Variants in COX4I2 observed in about 807,000 individuals in gnomAD.
COX4I2 encodes cytochrome c oxidase subunit 4 isoform 2, mitochondrial.
COX4I2 carries 15 observed loss-of-function variants against 20.8 expected under a neutral mutation model. The observed-to-expected ratio is 0.72, with a 90% CI of 0.48 to 1.11. The LOEUF is 1.11. Ranked by LOEUF, COX4I2 falls within the 50% of genes most tolerant of loss-of-function variation. The probability of loss-of-function intolerance (pLI) is 0.00; values close to 1 mark genes in which losing one functional copy is unlikely to be tolerated. For synonymous variants in COX4I2, 80 were observed against 78.1 expected (o/e 1.02, Z -0.13); for missense variants, 224 against 223.0 (o/e 1.00, Z -0.03).
intron 4 of COX4I2, 34 bp downstream of exon 4, chr20:31,643,569 G>A (rs769110767): frequency 1.2e-6 from 2 of 1,613,340 alleles, no homozygotes; most frequent in Non-Finnish European, 1.7e-6. Flanking sequence ...CTGCAGTCCT[G>A]GGCCATGCCC....
intron 3 of COX4I2, among the ~76,000 whole-genome samples, chr20:31,641,320 C>T (rs1303230164): frequency 6.8e-6 from 1 of 146,736 alleles, no homozygotes; most frequent in Non-Finnish European, 1.5e-5. Flanking sequence ...GATTGTGCTA[C>T]GGCATTGCAC....
intron 2 of COX4I2, 117 bp from the exon 3 acceptor site, chr20:31,639,816 A>G: frequency 1.7e-6 from 2 of 1,193,746 alleles, no homozygotes; most frequent in Non-Finnish European, 2.4e-6. Context: ...TCAGCCTCCC[A>G]AAATGCTAGG....
intron 2 of COX4I2, among the ~76,000 whole-genome samples, chr20:31,639,573 T>TTTTTTTTTTGG (rs2060454899): frequency 6.6e-6 from 1 of 150,696 alleles, no homozygotes; most frequent in Non-Finnish European, 1.5e-5. Context: ...TTTTTTTTTT[T>TTTTTTTTTTGG]GAGATAGAGT....
chr20:31,639,780 A>G (rs950798349), intron 2 of COX4I2, among the ~76,000 whole-genome samples, 153 bp from the exon 3 acceptor site: 3 of 151,372 alleles, frequency 2.0e-5, no homozygotes, highest in African/African-American at 7.3e-5. Context: ...CTGGTCTCGA[A>G]CTCCTGACCT....
At chr20:31,639,896 G>A (rs1328431993) in intron 2 of COX4I2, 37 bp from the exon 3 acceptor site, 2 of 1,612,938 alleles carry the variant, frequency 1.2e-6, no homozygotes, top group Admixed American at 1.7e-5. Flanking sequence ...GTGTCCCAAG[G>A]GCAGCCTGGA....
chr20:31,638,513 T>TGC (rs1227958524), intron 1 of COX4I2, among the ~76,000 whole-genome samples: 2 of 151,452 alleles, frequency 1.3e-5, no homozygotes, highest in African/African-American at 4.8e-5. Flanking sequence ...CAGGCCTGTG[T>TGC]GCACGTAGGC....
chr20:31,638,395 C>T (rs898071965), intron 1 of COX4I2, among the ~76,000 whole-genome samples: 4 of 151,624 alleles, frequency 2.6e-5, no homozygotes, highest in Non-Finnish European at 5.9e-5. Flanking sequence ...CTCTAAAGCC[C>T]CTCCCCACCA....
In COX4I2 at chr20:31,644,818, C is replaced by G. The variant is rs751561918; in HGVS notation, c.430C>G (p.Leu144Val). 5.6e-6 allele frequency: 9 copies of G among 1,613,976 alleles called. No homozygotes were observed. The highest frequency in any genetic ancestry group is 1.6e-4 in the Middle Eastern group (1 of 6,084). The change falls in exon 5 of 5, where the codon CTG becomes GTG. Residue 144 changes from leucine to valine, a missense_variant. By Grantham distance (32) the Leu-to-Val change is conservative. Transcript: ENST00000376075. ...GACGGACGAGCGGAAAGCCCAGCAGCTGCAGCGCATGCTGGACATGAAGGT... is the reference window on the plus strand; with the variant it reads ...GACGGACGAGCGGAAAGCCCAGCAGGTGCAGCGCATGCTGGACATGAAGGT... The part of the protein sequence containing the change: ...TLTDERKAQQ[L>V]QRMLDMKVNP...
In COX4I2 at chr20:31,644,984, C is replaced by T. The variant is rs201301023; in HGVS notation, c.*80C>T. The T allele has an allele frequency of 8.9e-5, 136 of 1,521,772 alleles. No homozygotes were observed. The African/African-American group carries it at 1.8e-3, about 20-fold the overall frequency. 94.3% of individuals were successfully genotyped at this position (1,521,772 alleles called of 1,614,324 possible). ...GCCCCTCCCCTCCCCTGCCCTTAAC[C>T]CCAGTAAAGCTCCAAAAAAAAATTT... On this transcript the variant is annotated 3_prime_UTR_variant, in exon 5 of 5. Coordinates refer to ENST00000376075, the MANE Select transcript of COX4I2 (RefSeq NM_032609.3).
At chr20:31,640,935 T>TTC (rs143299625) in intron 3 of COX4I2, among the ~76,000 whole-genome samples, 2 of 130,314 alleles carry the variant, frequency 1.5e-5, no homozygotes, top group South Asian at 2.5e-4. Flanking sequence ...CCTTTACCCC[T>TTC]TCTCTCTCTC....
In COX4I2 at chr20:31,640,021, C is replaced by G. The variant is rs757460881; in HGVS notation, c.171C>G (p.Leu57=). 4 of 1,614,024 alleles carry G rather than the reference C, an allele frequency of 2.5e-6. No individual in the cohort carries two copies. Among genetic ancestry groups the G allele is most frequent in the East Asian group, 4.5e-5 (2 of 44,874 alleles). The change falls in exon 3 of 5, where the codon CTC becomes CTG. Residue 57 remains leucine, a synonymous_variant. Coordinates refer to ENST00000376075, the MANE Select transcript of COX4I2 (RefSeq NM_032609.3). ...CAGAAGAGCCCTTCTGCACAGAACTCAACGCTGAGGAGCAGGCCCTGAAGG... is the reference window on the plus strand; with the variant it reads ...CAGAAGAGCCCTTCTGCACAGAACTGAACGCTGAGGAGCAGGCCCTGAAGG... The part of the protein sequence containing the change: ...PMPEEPFCTE[L]NAEEQALKEK...
chr20:31,644,655 G>A (rs2060485762), intron 4 of COX4I2, 113 bp from the exon 5 acceptor site: 3 of 1,241,518 alleles, frequency 2.4e-6, no homozygotes, highest in Non-Finnish European at 2.3e-6. Flanking sequence ...CAACCCTGGA[G>A]TATCTTGTAC....
intron 2 of COX4I2, 88 bp downstream of exon 2, chr20:31,639,187 C>T (rs878959951): frequency 6.5e-7 from 1 of 1,544,986 alleles, no homozygotes; most frequent in South Asian, 1.2e-5. Context: ...CCCTTCCATG[C>T]CACCCTGGGC....
intron 3 of COX4I2, among the ~76,000 whole-genome samples, chr20:31,640,745 G>A (rs2122327086): frequency 6.6e-6 from 1 of 152,198 alleles, no homozygotes; most frequent in East Asian, 1.9e-4. Flanking sequence ...GGAACACTCA[G>A]CCTGACCTCC....
At chr20:31,643,379 C>T in intron 3 of COX4I2, 25 bp from the exon 4 acceptor site, 1 of 1,613,710 alleles carries the variant, frequency 6.2e-7, no homozygotes, top group African/African-American at 1.3e-5. Context: ...CCTGAGGCCC[C>T]TTCCCCACAC....
At position 31,643,475 on chromosome 20, in the gene COX4I2, G is replaced by A. The variant is rs1452827172; in HGVS notation, c.319G>A (p.Gly107Ser). 6.2e-7 allele frequency: 1 copy of A among 1,614,138 alleles called. No homozygotes were observed. The highest frequency in any genetic ancestry group is 1.7e-5 in the Admixed American group (1 of 60,004). ...RRSNEWKTVMGCVFFFIGFAA... is the reference protein window; with the variant it reads ...RRSNEWKTVMSCVFFFIGFAA... ...CTCCAATGAGTGGAAGACAGTGATG[G>A]GTTGTGTCTTCTTCTTCATTGGATT... Residue 107 changes from glycine to serine, a missense_variant, in exon 4 of 5, where the codon GGT becomes AGT. By Grantham distance (56) the Gly-to-Ser change is moderately conservative. Transcript: ENST00000376075.
At chr20:31,638,954 C>A in intron 1 of COX4I2, 64 bp from the exon 2 acceptor site, 2 of 1,499,704 alleles carry the variant, frequency 1.3e-6, no homozygotes, top group Non-Finnish European at 1.8e-6. Context: ...TTCCATCTGG[C>A]CCTGCGGTTT....
intron 4 of COX4I2, among the ~76,000 whole-genome samples, chr20:31,643,785 T>C (rs2060481378): frequency 6.6e-6 from 1 of 152,182 alleles, no homozygotes; most frequent in Non-Finnish European, 1.5e-5. Flanking sequence ...TAAGAGGATT[T>C]TAATGAGAGA....
chr20:31,643,131 A>G (rs2060477556), intron 3 of COX4I2, among the ~76,000 whole-genome samples: 1 of 152,070 alleles, frequency 6.6e-6, no homozygotes, highest in Non-Finnish European at 1.5e-5. Context: ...TTCAAACCTC[A>G]GCTCCAATGT....
Sources: allele counts gnomAD v4.1 joint callset (sites outside exome capture counted in the v4.1 genomes callset), GRCh38; gene constraint gnomAD v4.1.1; transcripts MANE v1.5; gene names NCBI Gene and HGNC (gene_info 2026-07-23, HGNC 2026-07-21).